FAM184A: variants seen among roughly 807,000 people sequenced by gnomAD.
The protein encoded by FAM184A is protein FAM184A.
FAM184A carries 99 observed loss-of-function variants against 143.8 expected under a neutral mutation model. The observed-to-expected ratio is 0.69, with a 90% CI of 0.58 to 0.81. The LOEUF is 0.81. Ranked by LOEUF, FAM184A falls within the 40% of genes least tolerant of loss-of-function variation. The probability of loss-of-function intolerance (pLI) is 0.00; values close to 1 mark genes in which losing one functional copy is unlikely to be tolerated. For synonymous variants in FAM184A, 427 were observed against 446.4 expected (o/e 0.96, Z 0.55); for missense variants, 1,217 against 1,310.5 (o/e 0.93, Z 1.10).
intron 6 of FAM184A, among the ~76,000 whole-genome samples, chr6:119,010,843 G>C (rs547764345): frequency 1.3e-5 from 2 of 151,970 alleles, no homozygotes; most frequent in Admixed American, 1.3e-4. Flanking sequence ...GAACTTTGCC[G>C]ATATGAGATT....
rs952014895 is a variant in FAM184A, at chr6:119,002,978, T to C, written c.2009A>G (p.Gln670Arg). The C allele has an allele frequency of 3.7e-6, 6 of 1,612,988 alleles. No homozygotes were observed. In the African/African-American group the frequency reaches 6.7e-5, roughly 18 times the overall value. ...HEEDKKSAMSQLLQLKDREKN... is the reference protein window; with the variant it reads ...HEEDKKSAMSRLLQLKDREKN... ...CTCTCGATCTTTCAACTGCAAAAGT[T>C]GAGACATTGCTGACTTCTTATCCTC... Residue 670 changes from glutamine (Q) to arginine (R), a missense_variant, in exon 9 of 18, where the codon CAA (glutamine) becomes CGA (arginine). Transcript: ENST00000338891.
chr6:118,998,328 T>C (rs1243406554), intron 9 of FAM184A, among the ~76,000 whole-genome samples: 1 of 152,242 alleles, frequency 6.6e-6, no homozygotes, highest in Non-Finnish European at 1.5e-5. Flanking sequence ...TGAAAACGTC[T>C]TTGGTCTCTG....
intron 7 of FAM184A, among the ~76,000 whole-genome samples, chr6:119,004,610 A>G (rs1784865994): frequency 6.6e-6 from 1 of 152,224 alleles, no homozygotes; most frequent in African/African-American, 2.4e-5. Flanking sequence ...AAAGTACATC[A>G]TTAGACATTA....
upstream of FAM184A, among the ~76,000 whole-genome samples, chr6:119,080,008 A>G (rs1445953537): frequency 6.6e-6 from 1 of 152,228 alleles, no homozygotes; most frequent in Non-Finnish European, 1.5e-5. Flanking sequence ...ACTAATGATC[A>G]AATAAAATTA....
intron 1 of FAM184A, among the ~76,000 whole-genome samples, chr6:119,134,148 A>G (rs1287985384): frequency 6.6e-6 from 1 of 152,156 alleles, no homozygotes; most frequent in African/African-American, 2.4e-5. Context: ...AACTATTGAC[A>G]AAAGATTAGT....
chr6:118,990,703 CAAAAATACA>C (rs1317879112), intron 9 of FAM184A, among the ~76,000 whole-genome samples: 1 of 143,074 alleles, frequency 7.0e-6, no homozygotes, highest in Non-Finnish European at 1.5e-5. Flanking sequence ...TCGTCTCTAC[CAAAAATACA>C]AAAAATACAA....
upstream of FAM184A, among the ~76,000 whole-genome samples, chr6:119,082,358 A>C (rs1236877171): frequency 6.6e-6 from 1 of 152,206 alleles, no homozygotes; most frequent in Non-Finnish European, 1.5e-5. Flanking sequence ...AAACACAGTC[A>C]TGCCTTCCCA....
intron 1 of FAM184A, among the ~76,000 whole-genome samples, chr6:119,141,061 G>C (rs907336486): frequency 1.3e-5 from 2 of 152,208 alleles, no homozygotes; most frequent in African/African-American, 4.8e-5. Context: ...GGACAAAGGA[G>C]AATGTAACCA....
In FAM184A at chr6:118,979,525, C is replaced by G; in HGVS notation, c.2302-7G>C. The stretch of plus-strand genomic sequence containing the variant: ...GTAAATGATTTTCAAGAGCCTAGAA[C>G]AAGACAAATTCAAATTATTATGCTA... On this transcript the variant is annotated splice_polypyrimidine_tract_variant and splice_region_variant and intron_variant, in intron 10 of 17. Coordinates refer to ENST00000338891, the MANE Select transcript of FAM184A (RefSeq NM_024581.6). 1 of 1,589,222 alleles carries G rather than the reference C, an allele frequency of 6.3e-7. No individual in the cohort carries two copies. The highest frequency in any genetic ancestry group is 8.5e-7 in the Non-Finnish European group (1 of 1,171,556).
chr6:118,990,172 A>T (rs1410406667), intron 9 of FAM184A, among the ~76,000 whole-genome samples: 2 of 152,216 alleles, frequency 1.3e-5, no homozygotes, highest in African/African-American at 2.4e-5. Flanking sequence ...CTAGAAGTTA[A>T]ACTAAAATTT....
At chr6:119,076,113 G>T (rs890724697) in intron 1 of FAM184A, among the ~76,000 whole-genome samples, 1 of 152,124 alleles carries the variant, frequency 6.6e-6, no homozygotes, top group Admixed American at 6.6e-5. Context: ...ATGACTGGGG[G>T]TGGGGGGTGA....
At chr6:119,035,528 G>C (rs191364646) in intron 1 of FAM184A, among the ~76,000 whole-genome samples, 67 of 152,236 alleles carry the variant, frequency 4.4e-4, no homozygotes, top group African/African-American at 1.6e-3. Context: ...TGTCTCTTGT[G>C]GGGAAAATCT....
intron 1 of FAM184A, among the ~76,000 whole-genome samples, chr6:119,118,136 A>C (rs142012454): frequency 1.3e-3 from 192 of 152,372 alleles, no homozygotes; most frequent in African/African-American, 4.2e-3. Flanking sequence ...CCATAGATGC[A>C]GAAGTTTGGT....
intron 1 of FAM184A, among the ~76,000 whole-genome samples, chr6:119,096,642 CAAAAAAA>C (rs763619775): frequency 9.7e-5 from 2 of 20,650 alleles, no homozygotes; most frequent in African/African-American, 1.9e-4. Flanking sequence ...GACTCCATCT[CAAAAAAA>C]AAAAAAAAAA....
intron 2 of FAM184A, 103 bp from the exon 3 acceptor site, chr6:119,023,183 C>T (rs1562477714): frequency 1.6e-6 from 2 of 1,228,934 alleles, no homozygotes; most frequent in Admixed American, 2.2e-5. Context: ...AGAAGTCATA[C>T]TAAACTATAT....
chr6:119,131,012 C>G (rs889402734), intron 1 of FAM184A, among the ~76,000 whole-genome samples: 2 of 151,978 alleles, frequency 1.3e-5, no homozygotes, highest in Non-Finnish European at 2.9e-5. Context: ...GCGCCTGCCA[C>G]CATGCTTGGT....
chr6:119,088,122 G>A lies in FAM184A; in HGVS notation c.-202+60956C>T, dbSNP rs1378455300. Among the ~76,000 whole-genome samples, 4 of 152,284 alleles carry A rather than the reference G, an allele frequency of 2.6e-5. No individual in the cohort carries two copies. The East Asian group carries it at 7.7e-4, about 29-fold the overall frequency. ...GGAGAATTATTGTTTAATGGGTATA[G>A]GGTTTCAACTGGGGAAGATGAAAAA... On this transcript the variant is annotated intron_variant, in intron 1 of 16. Coordinates refer to the FAM184A transcript ENST00000352896.
intron 1 of FAM184A, among the ~76,000 whole-genome samples, chr6:119,148,275 C>T (rs1772522101): frequency 6.6e-6 from 1 of 152,194 alleles, no homozygotes. Context: ...CATGGAATGC[C>T]TGTCTTCTTC....
intron 9 of FAM184A, among the ~76,000 whole-genome samples, chr6:118,994,330 AAAATAAATAAAT>A (rs140437416): frequency 1.4e-4 from 21 of 150,490 alleles, no homozygotes; most frequent in African/African-American, 4.4e-4. Context: ...ACCTCGAGTT[AAAATAAATAAAT>A]AAATAAATAA....
Sources: gnomAD v4.1 joint callset for allele counts (sites outside exome capture counted in the v4.1 genomes callset) on GRCh38, gnomAD v4.1.1 for gene constraint, MANE v1.5 for transcripts, NCBI Gene and HGNC (gene_info 2026-07-23, HGNC 2026-07-21) for gene names.